EXO1: variants seen among roughly 807,000 people sequenced by gnomAD.
EXO1 encodes the protein exonuclease 1.
In EXO1, 69 loss-of-function variants were observed where a neutral mutation model predicts 84.5. That is an observed-to-expected ratio of 0.82 (90% CI 0.67 to 1.00). The LOEUF (loss-of-function observed/expected upper bound fraction) is 1.00, where lower values mean the gene tolerates loss of function less well. Among genes scored for constraint, EXO1 ranks in the 50% least tolerant of loss-of-function variants. The probability of loss-of-function intolerance (pLI) is 0.00; values close to 1 mark genes in which losing one functional copy is unlikely to be tolerated. For synonymous variants in EXO1, 373 were observed against 366.1 expected (o/e 1.02, Z -0.21); for missense variants, 1,045 against 1,000.7 (o/e 1.04, Z -0.60).
chr1:241,874,269 T>G (rs1317526440), intron 12 of EXO1, among the ~76,000 whole-genome samples: 1 of 152,168 alleles, frequency 6.6e-6, no homozygotes, highest in Admixed American at 6.5e-5. Flanking sequence ...CATGGTGGTG[T>G]GCACCTGTAG....
At chr1:241,866,800 C>G in intron 10 of EXO1, 30 bp from the exon 11 acceptor site, 1 of 1,440,220 alleles carries the variant, frequency 6.9e-7, no homozygotes, top group African/African-American at 1.4e-5. Flanking sequence ...TTTCTTTCTG[C>G]AAATAATCTT....
At chr1:241,857,059 ATTACT>A (rs1661090012) in intron 6 of EXO1, among the ~76,000 whole-genome samples, 1 of 152,118 alleles carries the variant, frequency 6.6e-6, no homozygotes. Flanking sequence ...AAATAAAATG[ATTACT>A]TTTGTAACTT....
chr1:241,875,535 G>A (rs1216940021), intron 12 of EXO1, among the ~76,000 whole-genome samples: 5 of 152,198 alleles, frequency 3.3e-5, no homozygotes, highest in African/African-American at 9.6e-5. Flanking sequence ...CTTGTTAACA[G>A]TGGAATGATG....
intron 11 of EXO1, among the ~76,000 whole-genome samples, chr1:241,871,115 T>C (rs947693899): frequency 9.9e-5 from 15 of 152,230 alleles, no homozygotes; most frequent in African/African-American, 3.6e-4. Context: ...GTGTGGCTTC[T>C]GAAAGCCTTG....
At chr1:241,889,062 A>ACT (rs1224698799) in intron 15 of EXO1, among the ~76,000 whole-genome samples, 1 of 151,824 alleles carries the variant, frequency 6.6e-6, no homozygotes, top group Non-Finnish European at 1.5e-5. Flanking sequence ...ACAGAGCGAG[A>ACT]CCATCTCAAA....
At chr1:241,863,016 A>G (rs551098554) in intron 10 of EXO1, among the ~76,000 whole-genome samples, 18 of 152,204 alleles carry the variant, frequency 1.2e-4, no homozygotes, top group Admixed American at 8.5e-4. Context: ...AAGGGATTCT[A>G]TAGAAAGAAA....
At position 241,850,543 on chromosome 1, in the gene EXO1, A is replaced by G; in HGVS notation, c.118A>G (p.Ile40Val). The G allele has an allele frequency of 6.2e-7, 1 of 1,614,040 alleles. No individual in the cohort carries two copies. Among genetic ancestry groups the G allele is most frequent in the South Asian group, 1.1e-5 (1 of 91,080 alleles). Residue 40 changes from isoleucine to valine, a missense_variant, in exon 4 of 16, where the codon ATT (isoleucine) becomes GTT (valine). Coordinates refer to ENST00000366548, the MANE Select transcript of EXO1 (RefSeq NM_130398.4). ...ATATTGCTGGCTTCACAAAGGAGCT[A>G]TTGCTTGTGCTGAAAAACTAGCCAA... ...DTYCWLHKGA[I>V]ACAEKLAKGE... is the part of the protein sequence containing the mutation.
At chr1:241,849,370 A>G (rs1447125353) in intron 3 of EXO1, among the ~76,000 whole-genome samples, 154 bp downstream of exon 3, 1 of 152,178 alleles carries the variant, frequency 6.6e-6, no homozygotes, top group African/African-American at 2.4e-5. Context: ...TTTCATCAGA[A>G]AGGGTTGTGA....
rs1051421755 is a variant in EXO1 at position 241,855,013 on chromosome 1, C to T, written c.405+1532C>T. Among the ~76,000 whole-genome samples, 8 of 152,134 alleles carry T rather than the reference C, an allele frequency of 5.3e-5. No individual in the cohort carries two copies. The South Asian group carries it at 1.2e-3, about 24-fold the overall frequency. On this transcript the variant is annotated intron_variant, in intron 6 of 15. Transcript: ENST00000366548. ...TTAGGAGTGAAGCTGCAGACCTTTG[C>T]GGTGAGTGTTACAGCTCATAAAAGC...
In EXO1 at chr1:241,879,475, G is replaced by T. The variant is rs189469185; in HGVS notation, c.2109+132G>T. On this transcript the variant is annotated intron_variant, in intron 13 of 15. Transcript: ENST00000366548. ...ATTTTTTCATTCTAAACTCTACTGT[G>T]CAGAAAGTTCACATTTTATTCATTT... 509 of 622,320 alleles carry T rather than the reference G, an allele frequency of 8.2e-4. 2 individuals carry two copies. The highest frequency in any genetic ancestry group is 1.8e-3 in the Admixed American group (61 of 33,132). The allele number at this position is 622,320 out of a possible 1,614,324, so 38.5% of individuals were successfully genotyped here. A position where few individuals can be genotyped will look rare whatever the true frequency, so the allele number is the denominator to read the frequency against.
intron 6 of EXO1, among the ~76,000 whole-genome samples, chr1:241,855,748 C>T (rs1256840505): frequency 3.9e-5 from 6 of 152,232 alleles, no homozygotes; most frequent in Admixed American, 2.0e-4. Flanking sequence ...TAAGGCCCCG[C>T]GAGAAATAGA....
At chr1:241,882,306 C>T (rs1629609) in intron 14 of EXO1, among the ~76,000 whole-genome samples, 143,937 of 152,172 alleles carry the variant, frequency 0.95, 68,240 homozygotes, top group Non-Finnish European at 0.98. Context: ...TTGTCATTTA[C>T]CCTAAATTTT....
chr1:241,853,294 T>G, intron 5 of EXO1, 64 bp from the exon 6 acceptor site: 1 of 1,562,654 alleles, frequency 6.4e-7, no homozygotes, highest in Non-Finnish European at 8.8e-7. Flanking sequence ...ATTACAGTTC[T>G]GTTACAGTTT....
At chr1:241,875,320 A>G (rs1382531440) in intron 12 of EXO1, among the ~76,000 whole-genome samples, 2 of 152,164 alleles carry the variant, frequency 1.3e-5, no homozygotes, top group Non-Finnish European at 2.9e-5. Context: ...TTCAAGTTTA[A>G]TAAATCAGGC....
chr1:241,882,996 G>GTT (rs1662861367), intron 14 of EXO1, among the ~76,000 whole-genome samples: 2 of 152,106 alleles, frequency 1.3e-5, no homozygotes, highest in South Asian at 2.1e-4. Flanking sequence ...TACTGCATTG[G>GTT]TTATAATAGT....
At chr1:241,876,251 TG>T (rs1327159627) in intron 12 of EXO1, among the ~76,000 whole-genome samples, 1 of 152,202 alleles carries the variant, frequency 6.6e-6, no homozygotes, top group Non-Finnish European at 1.5e-5. Flanking sequence ...AGTCAGTCTT[TG>T]ATGTGTCATT....
At chr1:241,855,232 T>G (rs750090739) in intron 6 of EXO1, among the ~76,000 whole-genome samples, 1 of 152,078 alleles carries the variant, frequency 6.6e-6, no homozygotes, top group Non-Finnish European at 1.5e-5. Context: ...AGGGTGCTGA[T>G]TGGTGCGTTT....
intron 6 of EXO1, among the ~76,000 whole-genome samples, chr1:241,855,511 T>G (rs916796223): frequency 1.2e-4 from 18 of 152,236 alleles, no homozygotes; most frequent in Non-Finnish European, 2.4e-4. Context: ...GGAGCCCAGC[T>G]GGCTTCACCC....
At chr1:241,877,192 G>A (rs553365284) in intron 12 of EXO1, among the ~76,000 whole-genome samples, 3 of 152,214 alleles carry the variant, frequency 2.0e-5, no homozygotes, top group Admixed American at 6.5e-5. Context: ...TTTATCTTTC[G>A]AGATCTGGAA....
Sources: gnomAD v4.1 joint callset for allele counts (sites outside exome capture counted in the v4.1 genomes callset) on GRCh38, gnomAD v4.1.1 for gene constraint, MANE v1.5 for transcripts, NCBI Gene and HGNC (gene_info 2026-07-23, HGNC 2026-07-21) for gene names.